The following FAM149A variants were observed in gnomAD, a reference collection of about 807,000 sequenced individuals.
The protein encoded by FAM149A is protein FAM149A.
Under a neutral mutation model 78.2 loss-of-function variants are expected in FAM149A, and 71 were observed. The ratio of observed to expected loss-of-function variants is 0.91; its 90% CI spans 0.75 to 1.11. FAM149A has a LOEUF of 1.11. Ranked by LOEUF, FAM149A falls within the 50% of genes least tolerant of loss-of-function variation. FAM149A has a pLI of 0.00. For synonymous variants in FAM149A, 446 were observed against 410.5 expected, an observed-to-expected ratio of 1.09 and a Z score of -1.04; for missense variants, 1,036 against 971.0, an observed-to-expected ratio of 1.07 and a Z score of -0.89.
chr4:186,151,077 G>T, intron 3 of FAM149A: 10 of 985,242 alleles, frequency 1.0e-5, no homozygotes, highest in Non-Finnish European at 1.2e-5. Context: ...CAGCTGTGCA[G>T]CTGTGATTCT....
chr4:186,123,170 G>A, intron 1 of FAM149A: 1 of 974,748 alleles, frequency 1.0e-6, no homozygotes, highest in Non-Finnish European at 1.2e-6. Context: ...CAAGGAACCA[G>A]GACAATTTGA....
intron 8 of FAM149A, 51 bp from the exon 9 acceptor site, chr4:186,162,794 C>T (rs1222372088): frequency 1.0e-6 from 1 of 1,000,704 alleles, no homozygotes; most frequent in East Asian, 2.6e-5. Context: ...TGGAACGGCA[C>T]TGGGCATTTG....
Position 186,172,259 on chromosome 4 carries a change from T to C in FAM149A, c.*272T>C. ...CCTGATGTGTGTTTGCAGTCCGTCA[T>C]TTTATCAATGATACGCAAACATAAT... On this transcript the variant is annotated 3_prime_UTR_variant, in exon 14 of 14. Coordinates refer to ENST00000389354, the MANE Select transcript of FAM149A (RefSeq NM_001367768.3). 2.8e-6 allele frequency: 1 copy of C among 356,452 alleles called. No homozygotes were observed. Among genetic ancestry groups the C allele is most frequent in the Non-Finnish European group, 5.0e-6 (1 of 200,554 alleles). The allele number at this position is 356,452 out of a possible 1,614,324, so 22.1% of individuals were successfully genotyped here.
chr4:186,131,963 A>G (rs1217120351), intron 1 of FAM149A: 1 of 985,358 alleles, frequency 1.0e-6, no homozygotes, highest in Non-Finnish European at 1.2e-6. Context: ...ATTGTTGGGA[A>G]AAAATTCTTT....
At chr4:186,170,973 A>G (rs766305300) in intron 13 of FAM149A, 2 of 152,360 alleles carry the variant, frequency 1.3e-5, no homozygotes, top group Non-Finnish European at 2.9e-5. Flanking sequence ...CATCATAAGC[A>G]GGATCCTCAT....
At position 186,155,002 on chromosome 4, in the gene FAM149A, G is replaced by A. The variant is rs935878899; in HGVS notation, c.1229+364G>A. On this transcript the variant is annotated intron_variant, in intron 6 of 13. Coordinates refer to ENST00000389354, the MANE Select transcript of FAM149A (RefSeq NM_001367768.3). ...TTTTGAGACGGAGTCTCGCTCTGTC[G>A]CCCAGGCTAGAGTGCAGCCGTGCGA... is the stretch of plus-strand genomic sequence containing the variant. 42 of 948,286 alleles carry A rather than the reference G, an allele frequency of 4.4e-5. No homozygotes were observed. The African/African-American group carries it at 5.9e-4, about 13-fold the overall frequency. The allele number at this position is 948,286 out of a possible 1,614,324, so 58.7% of individuals were successfully genotyped here. A position where few individuals can be genotyped will look rare whatever the true frequency, so the allele number is the denominator to read the frequency against.
intron 1 of FAM149A, chr4:186,123,982 AT>A (rs2099317163): frequency 1.0e-6 from 1 of 985,256 alleles, no homozygotes; most frequent in African/African-American, 1.7e-5. Flanking sequence ...GATAGCTAAA[AT>A]TTTCTAATGT....
chr4:186,172,273 C>A lies in FAM149A; in HGVS notation c.*286C>A. On this transcript the variant is annotated 3_prime_UTR_variant, in exon 14 of 14. Transcript: ENST00000389354. ...GCAGTCCGTCATTTTATCAATGATA[C>A]GCAAACATAATTAGCATGTGTATGT... 4 of 314,990 alleles carry A rather than the reference C, an allele frequency of 1.3e-5. No individual in the cohort carries two copies. The highest frequency in any genetic ancestry group is 2.3e-5 in the Non-Finnish European group (4 of 173,534). The allele number at this position is 314,990 out of a possible 1,614,324, so 19.5% of individuals were successfully genotyped here.
chr4:186,131,459 A>C (rs964103856), intron 1 of FAM149A, among the ~76,000 whole-genome samples: 1 of 152,140 alleles, frequency 6.6e-6, no homozygotes, highest in Non-Finnish European at 1.5e-5. Context: ...CCAGGACAAC[A>C]CCCTCACAAG....
chr4:186,108,377 A>C (rs1336317571), intron 1 of FAM149A, among the ~76,000 whole-genome samples: 1 of 152,006 alleles, frequency 6.6e-6, no homozygotes, highest in African/African-American at 2.4e-5. Context: ...ACAATAACGC[A>C]TACATTTTAC....
At chr4:186,125,660 G>T (rs1250738939) in intron 1 of FAM149A, 11 of 965,840 alleles carry the variant, frequency 1.1e-5, no homozygotes, top group Non-Finnish European at 1.4e-5. Flanking sequence ...AAGGCACTCA[G>T]CAGAGCGCTT....
chr4:186,163,290 T>C, intron 9 of FAM149A, 134 bp from the exon 10 acceptor site: 1 of 668,762 alleles, frequency 1.5e-6, no homozygotes. Flanking sequence ...GGTCTTTTCA[T>C]TCATTCAACC....
chr4:186,131,569 A>G (rs1034934872), intron 1 of FAM149A, among the ~76,000 whole-genome samples: 2 of 152,224 alleles, frequency 1.3e-5, no homozygotes, highest in African/African-American at 4.8e-5. Flanking sequence ...GTGTCTTGCC[A>G]TAGCAGCCTG....
At position 186,105,160 on chromosome 4, in the gene FAM149A, C is replaced by T. The variant is rs1225188687; in HGVS notation, c.84C>T (p.Ser28=). Residue 28 remains serine, a synonymous_variant, in exon 1 of 14, where the codon TCC becomes TCT. Transcript: ENST00000389354. ...CGGCGCCCCCCGCAGGCCCCTCCTC[C>T]AGACCCTCGGGAGGTGCTGCCGCTG... is the stretch of plus-strand genomic sequence containing the variant. The T allele has an allele frequency of 1.6e-6, 2 of 1,279,532 alleles. No homozygotes were observed. The highest frequency in any genetic ancestry group is 4.6e-5 in the Admixed American group (2 of 43,202). The allele number at this position is 1,279,532 out of a possible 1,614,324, so 79.3% of individuals were successfully genotyped here.
chr4:186,132,693 T>C (rs1232858579), intron 1 of FAM149A, among the ~76,000 whole-genome samples: 1 of 152,212 alleles, frequency 6.6e-6, no homozygotes, highest in Non-Finnish European at 1.5e-5. Flanking sequence ...AATTCGGTGC[T>C]TGTCCAGGCT....
intron 11 of FAM149A, 88 bp from the exon 12 acceptor site, chr4:186,166,880 G>A (rs1735073696): frequency 7.6e-7 from 1 of 1,307,886 alleles, no homozygotes; most frequent in Non-Finnish European, 1.1e-6. Context: ...CCAAATAGAT[G>A]AGTGAACGAT....
intron 1 of FAM149A, among the ~76,000 whole-genome samples, chr4:186,107,902 C>T (rs965465638): frequency 5.9e-5 from 9 of 152,168 alleles, no homozygotes; most frequent in Admixed American, 4.6e-4. Context: ...TACTCACATT[C>T]CCTTCCTCTC....
At chr4:186,130,238 G>A (rs1030153096) in intron 1 of FAM149A, 2 of 122,694 alleles carry the variant, frequency 1.6e-5, no homozygotes, top group East Asian at 2.6e-4. Context: ...ACTCCAAAAA[G>A]GAATCTAAAA....
intron 1 of FAM149A, among the ~76,000 whole-genome samples, chr4:186,128,051 T>C (rs10019720): frequency 0.99 from 139,213 of 140,234 alleles, 69,110 homozygotes; most frequent in Non-Finnish European, 1. Flanking sequence ...AGTGCAATGG[T>C]ACGATTTCAG....
Sources: gnomAD v4.1 joint callset for allele counts (sites outside exome capture counted in the v4.1 genomes callset) on GRCh38, gnomAD v4.1.1 for gene constraint, MANE v1.5 for transcripts, NCBI Gene and HGNC (gene_info 2026-07-23, HGNC 2026-07-21) for gene names.